CRYZ: variants seen among roughly 807,000 people sequenced by gnomAD.
CRYZ encodes crystallin zeta, also known as zeta-crystallin.
In CRYZ, 35 loss-of-function variants were observed where a neutral mutation model predicts 34.1. The observed-to-expected ratio is 1.03, with a 90% CI of 0.78 to 1.36. CRYZ has a LOEUF of 1.36. CRYZ is among the 40% of genes most tolerant of loss of function. The pLI, the probability that CRYZ is intolerant of heterozygous loss-of-function variation, is 0.00. For missense variants in CRYZ, 403 were observed against 391.8 expected, an observed-to-expected ratio of 1.03 and a Z score of -0.24; for synonymous variants, 137 against 136.5, an observed-to-expected ratio of 1.00 and a Z score of -0.03.
At chr1:74,731,060 T>C (rs898662736) in intron 1 of CRYZ, among the ~76,000 whole-genome samples, 1 of 152,242 alleles carries the variant, frequency 6.6e-6, no homozygotes, top group Non-Finnish European at 1.5e-5. Context: ...AATTAAACTA[T>C]ACTTCAAATA....
rs374694701 is a variant in CRYZ, at chr1:74,706,388, C to A, written c.898G>T (p.Gly300Cys). ...ACCTTCTCCAATGGATATTGAGAAC[C>A]TATCACAGGTTTCAACCAGCCAATT... Reference protein sequence around the residue: ...MEIGWLKPVIGSQYPLEKVAE... With the variant: ...MEIGWLKPVICSQYPLEKVAE... Residue 300 changes from glycine to cysteine, a missense_variant, in exon 9 of 9, where the codon GGT becomes TGT. Transcript: ENST00000340866. 1.2e-6 allele frequency: 2 copies of A among 1,612,578 alleles called. No homozygotes were observed. Among genetic ancestry groups the A allele is most frequent in the Admixed American group, 1.7e-5 (1 of 59,818 alleles).
At chr1:74,727,458 C>CAAAAAA (rs3041452) in intron 1 of CRYZ, among the ~76,000 whole-genome samples, 2 of 71,918 alleles carry the variant, frequency 2.8e-5, no homozygotes, top group East Asian at 4.4e-4. Flanking sequence ...CTAAAAAATA[C>CAAAAAA]AAAAAAAAAA....
intron 1 of CRYZ, among the ~76,000 whole-genome samples, chr1:74,732,031 C>CA (rs1461681116): frequency 6.6e-6 from 1 of 152,160 alleles, no homozygotes. Context: ...GAATCCAAGA[C>CA]AAAAAATCCC....
intron 3 of CRYZ, among the ~76,000 whole-genome samples, chr1:74,720,379 G>C (rs1334091434): frequency 6.6e-6 from 1 of 152,116 alleles, no homozygotes; most frequent in African/African-American, 2.4e-5. Context: ...ACAAATGTCT[G>C]CTGGACCTCA....
At chr1:74,725,093 T>A (rs760815832) in intron 1 of CRYZ, among the ~76,000 whole-genome samples, 9 of 152,220 alleles carry the variant, frequency 5.9e-5, no homozygotes, top group Non-Finnish European at 1.3e-4. Context: ...AACATCTGGA[T>A]AGACATAGCA....
At chr1:74,707,762 T>G (rs1411196846) in intron 6 of CRYZ, 7 of 152,142 alleles carry the variant, frequency 4.6e-5, no homozygotes, top group Non-Finnish European at 1.0e-4. Flanking sequence ...CTACATTATA[T>G]TCATTTTATT....
chr1:74,729,491 A>AAG (rs1647581056), intron 1 of CRYZ, among the ~76,000 whole-genome samples: 2 of 151,624 alleles, frequency 1.3e-5, no homozygotes, highest in East Asian at 3.9e-4. Context: ...AAAAAAAAAA[A>AAG]AAAATTATCT....
chr1:74,724,958 C>CCTG, intron 1 of CRYZ, 124 bp from the exon 2 acceptor site: 1 of 575,544 alleles, frequency 1.7e-6, no homozygotes, highest in Non-Finnish European at 3.1e-6. Flanking sequence ...GAGCTTACCA[C>CCTG]TGATCTCATT....
chr1:74,706,853 G>T, intron 8 of CRYZ, 46 bp downstream of exon 8: 1 of 1,505,458 alleles, frequency 6.6e-7, no homozygotes, highest in Non-Finnish European at 9.2e-7. Flanking sequence ...TAGGCAAACT[G>T]TACCAATGTT....
At chr1:74,717,148 C>G (rs1297543364) in intron 4 of CRYZ, among the ~76,000 whole-genome samples, 1 of 152,144 alleles carries the variant, frequency 6.6e-6, no homozygotes, top group African/African-American at 2.4e-5. Context: ...AAGCCAATCT[C>G]TCTACCTATG....
intron 4 of CRYZ, among the ~76,000 whole-genome samples, chr1:74,716,666 GA>G (rs1312978661): frequency 2.0e-5 from 3 of 152,046 alleles, no homozygotes; most frequent in Non-Finnish European, 4.4e-5. Context: ...TCCTAATTCT[GA>G]AAACCCATAT....
At chr1:74,720,671 T>C (rs1236494119) in intron 3 of CRYZ, among the ~76,000 whole-genome samples, 1 of 152,140 alleles carries the variant, frequency 6.6e-6, no homozygotes, top group African/African-American at 2.4e-5. Context: ...CAAAGACAAG[T>C]ATCACCGCTT....
At chr1:74,732,117 G>A (rs1285043223) in intron 1 of CRYZ, among the ~76,000 whole-genome samples, 2 of 149,314 alleles carry the variant, frequency 1.3e-5, no homozygotes, top group African/African-American at 2.5e-5. Context: ...GTGCGAAGGG[G>A]CACTACCTAG....
At chr1:74,713,286 C>T (rs1647028737) in intron 5 of CRYZ, among the ~76,000 whole-genome samples, 1 of 152,160 alleles carries the variant, frequency 6.6e-6, no homozygotes, top group Non-Finnish European at 1.5e-5. Context: ...ACTCTTCTCT[C>T]CCCTTCCTAC....
intron 2 of CRYZ, among the ~76,000 whole-genome samples, chr1:74,723,709 C>T (rs545216354): frequency 1.3e-5 from 2 of 152,316 alleles, no homozygotes; most frequent in East Asian, 1.9e-4. Flanking sequence ...CAAGCCACAT[C>T]GTGCTTTTCT....
In CRYZ at chr1:74,710,082, C is replaced by T; in HGVS notation, c.630+16G>A. ...GGAACAAAGTTTGACTTTTGTAAAACAGTGGAAAATTTTACCTTAATTTTA... is the reference window on the plus strand; with the variant it reads ...GGAACAAAGTTTGACTTTTGTAAAATAGTGGAAAATTTTACCTTAATTTTA... On this transcript the variant is annotated intron_variant, in intron 6 of 8. Coordinates refer to ENST00000340866, the MANE Select transcript of CRYZ (RefSeq NM_001889.4). 1 of 1,607,600 alleles carries T rather than the reference C, an allele frequency of 6.2e-7. No homozygotes were observed. The highest frequency in any genetic ancestry group is 8.5e-7 in the Non-Finnish European group (1 of 1,176,028).
chr1:74,724,921 A>AT (rs1281050733), intron 1 of CRYZ, 87 bp from the exon 2 acceptor site: 1 of 673,618 alleles, frequency 1.5e-6, no homozygotes, highest in Non-Finnish European at 2.6e-6. Flanking sequence ...AGATCAAACA[A>AT]TTTTTTCAAA....
intron 1 of CRYZ, among the ~76,000 whole-genome samples, chr1:74,728,852 G>C (rs1476873838): frequency 6.6e-6 from 1 of 152,176 alleles, no homozygotes; most frequent in Non-Finnish European, 1.5e-5. Flanking sequence ...GTGGTCCTCG[G>C]GGAAAAACAG....
rs187183195 is a variant in CRYZ at position 74,705,735 on chromosome 1, A to C, written c.*561T>G. ...ATGGGGTCATTGGCAGCCAACCAATAATGAAGTAAATATTCTAATATTTGG... is the reference window on the plus strand; with the variant it reads ...ATGGGGTCATTGGCAGCCAACCAATCATGAAGTAAATATTCTAATATTTGG... On this transcript the variant is annotated 3_prime_UTR_variant, in exon 9 of 9. Transcript: ENST00000340866. 1 of 152,316 alleles carries C rather than the reference A, an allele frequency of 6.6e-6. No individual in the cohort carries two copies. The highest frequency in any genetic ancestry group is 6.5e-5 in the Admixed American group (1 of 15,286). The allele number at this position is 152,316 out of a possible 1,614,324, so 9.4% of individuals were successfully genotyped here. A position where few individuals can be genotyped will look rare whatever the true frequency, so the allele number is the denominator to read the frequency against.
Sources: allele counts gnomAD v4.1 joint callset (sites outside exome capture counted in the v4.1 genomes callset), GRCh38; gene constraint gnomAD v4.1.1; transcripts MANE v1.5; gene names NCBI Gene and HGNC (gene_info 2026-07-23, HGNC 2026-07-21).